Variants in ABCA13 observed in about 807,000 individuals in gnomAD.
ABCA13 encodes the protein ATP-binding cassette sub-family A member 13.
In ABCA13, 476 loss-of-function variants were observed where a neutral mutation model predicts 478.7. The observed-to-expected ratio is 0.99, with a 90% CI of 0.92 to 1.07. The LOEUF is 1.07. Among genes scored for constraint, ABCA13 ranks in the 50% least tolerant of loss-of-function variants. ABCA13 has a pLI of 0.00. For synonymous variants in ABCA13, 2,252 were observed against 2,158.9 expected, an observed-to-expected ratio of 1.04 and a Z score of -1.20; for missense variants, 6,060 against 5,910.6, an observed-to-expected ratio of 1.03 and a Z score of -0.83.
intron 15 of ABCA13, among the ~76,000 whole-genome samples, chr7:48,262,664 A>G (rs1340920450): frequency 6.6e-6 from 1 of 151,832 alleles, no homozygotes; most frequent in African/African-American, 2.4e-5. Flanking sequence ...TTTTCACTGG[A>G]TATTCCACAG....
At chr7:48,543,303 G>C (rs948194235) in intron 55 of ABCA13, among the ~76,000 whole-genome samples, 1 of 151,728 alleles carries the variant, frequency 6.6e-6, no homozygotes, top group Non-Finnish European at 1.5e-5. Flanking sequence ...TTACTGTATA[G>C]TGATAAGGAA....
intron 29 of ABCA13, among the ~76,000 whole-genome samples, chr7:48,341,933 A>G (rs982133626): frequency 4.7e-5 from 6 of 128,466 alleles, no homozygotes; most frequent in Admixed American, 8.4e-5. Context: ...ATATACTCAT[A>G]TATATATATT....
chr7:48,476,303 C>A (rs905329644), intron 45 of ABCA13, among the ~76,000 whole-genome samples: 1 of 152,186 alleles, frequency 6.6e-6, no homozygotes, highest in African/African-American at 2.4e-5. Flanking sequence ...CTCTGCCTCC[C>A]TCTCACAGTG....
intron 55 of ABCA13, among the ~76,000 whole-genome samples, chr7:48,574,098 C>A (rs193004123): frequency 8.6e-5 from 13 of 151,856 alleles, no homozygotes; most frequent in Non-Finnish European, 1.6e-4. Context: ...GGAGTTAGGA[C>A]CCCAATATTA....
At chr7:48,256,132 A>G (rs974001665) in intron 15 of ABCA13, among the ~76,000 whole-genome samples, 6 of 152,080 alleles carry the variant, frequency 3.9e-5, no homozygotes, top group African/African-American at 1.4e-4. Context: ...TCTTTTGCCT[A>G]CTTTTTAATG....
chr7:48,335,231 G>A (rs1359745453), intron 27 of ABCA13, among the ~76,000 whole-genome samples, 191 bp from the exon 28 acceptor site: 1 of 152,222 alleles, frequency 6.6e-6, no homozygotes, highest in African/African-American at 2.4e-5. Flanking sequence ...ACAGAGTCAA[G>A]GAGAGAGGTT....
chr7:48,570,265 G>A (rs1787483784), intron 55 of ABCA13, among the ~76,000 whole-genome samples: 1 of 149,290 alleles, frequency 6.7e-6, no homozygotes, highest in East Asian at 2.0e-4. Context: ...TATTAGTAGA[G>A]TCACCTCAGC....
At chr7:48,434,865 C>T (rs1594761) in intron 42 of ABCA13, among the ~76,000 whole-genome samples, 45,173 of 151,592 alleles carry the variant, frequency 0.3, 6,817 homozygotes, top group East Asian at 0.37. Context: ...TTGGTCTTTA[C>T]GTCTGTTTTT....
chr7:48,436,663 A>G (rs1319378643), intron 42 of ABCA13, among the ~76,000 whole-genome samples: 1 of 151,816 alleles, frequency 6.6e-6, no homozygotes, highest in Non-Finnish European at 1.5e-5. Flanking sequence ...AGAGCTATAC[A>G]TTTCCTTCTT....
intron 3 of ABCA13, among the ~76,000 whole-genome samples, chr7:48,209,607 A>G (rs973158070): frequency 4.6e-5 from 7 of 152,166 alleles, no homozygotes; most frequent in Admixed American, 2.6e-4. Flanking sequence ...GCATGTATCT[A>G]GGAATTTATT....
chr7:48,570,700 TA>T (rs939948908), intron 55 of ABCA13, among the ~76,000 whole-genome samples: 7 of 151,508 alleles, frequency 4.6e-5, no homozygotes, highest in African/African-American at 7.3e-5. Context: ...GTTGGATAAT[TA>T]AAAAAAAATC....
chr7:48,371,476 C>T (rs1270109325), intron 32 of ABCA13, among the ~76,000 whole-genome samples: 2 of 152,096 alleles, frequency 1.3e-5, no homozygotes, highest in African/African-American at 4.8e-5. Flanking sequence ...GTTTGTAGTT[C>T]TCCTTGTAGA....
intron 42 of ABCA13, among the ~76,000 whole-genome samples, chr7:48,440,552 C>T (rs745625930): frequency 3.3e-5 from 5 of 151,850 alleles, no homozygotes; most frequent in Non-Finnish European, 7.4e-5. Flanking sequence ...TAGCATTTTG[C>T]CTAAAGGTTT....
chr7:48,221,252 T>C, intron 4 of ABCA13, 29 bp from the exon 5 acceptor site: 1 of 1,070,906 alleles, frequency 9.3e-7, no homozygotes, highest in East Asian at 2.7e-5. Flanking sequence ...ATGATTGAAC[T>C]AATATCTCTT....
intron 42 of ABCA13, among the ~76,000 whole-genome samples, chr7:48,448,854 T>C (rs1055348371): frequency 6.6e-6 from 1 of 152,212 alleles, no homozygotes; most frequent in African/African-American, 2.4e-5. Flanking sequence ...GCTTTATTTA[T>C]TTATTTGAGA....
In ABCA13 at chr7:48,198,173, C is replaced by T. The variant is rs568861324; in HGVS notation, c.164-64C>T. 1.5e-5 allele frequency: 22 copies of T among 1,495,120 alleles called. No homozygotes were observed. The South Asian group carries it at 2.6e-4, about 18-fold the overall frequency. 92.6% of individuals were successfully genotyped at this position (1,495,120 alleles called of 1,614,324 possible). A position where few individuals can be genotyped will look rare whatever the true frequency, so the allele number is the denominator to read the frequency against. ...GATGTTATATATTACAATTTCAACT[C>T]AACAGGAATTCCATTTCTGGTAGCA... On this transcript the variant is annotated intron_variant, in intron 2 of 61. Coordinates refer to ENST00000435803, the MANE Select transcript of ABCA13 (RefSeq NM_152701.5).
At chr7:48,394,569 A>T (rs1816564582) in intron 38 of ABCA13, among the ~76,000 whole-genome samples, 1 of 152,178 alleles carries the variant, frequency 6.6e-6, no homozygotes, top group Non-Finnish European at 1.5e-5. Context: ...TCTGTGTATT[A>T]GTCTTCTGTT....
Position 48,520,120 on chromosome 7 carries a change from A to T in ABCA13, c.13877A>T (p.Glu4626Val), listed in dbSNP as rs1563386456. The change falls in exon 53 of 62, where the codon GAA becomes GTA. Residue 4626 changes from glutamate to valine, a missense_variant. Physicochemically the swap from Glu to Val is moderately radical, Grantham distance 121. Around this residue, in one of 3 missense-constraint regions of ABCA13, gnomAD observed 1,627 missense variants for 1,571.0 expected, o/e 1.04. Coordinates refer to ENST00000435803, the MANE Select transcript of ABCA13 (RefSeq NM_152701.5). ...TTCTGTCTTGGTCAAGGACTGGTAG[A>T]ACTCTGCTATAATCAGATCAAATAT... Reference protein sequence around the residue: ...PQFCLGQGLVELCYNQIKYDL... With the variant: ...PQFCLGQGLVVLCYNQIKYDL... The T allele has an allele frequency of 6.2e-7, 1 of 1,613,676 alleles. No individual in the cohort carries two copies.
intron 57 of ABCA13, among the ~76,000 whole-genome samples, chr7:48,593,755 G>A (rs1418939629): frequency 6.6e-6 from 1 of 150,734 alleles, no homozygotes; most frequent in Admixed American, 6.6e-5. Context: ...CAGGTATTGT[G>A]TCAATGAACT....
Sources: gnomAD v4.1 joint callset for allele counts (sites outside exome capture counted in the v4.1 genomes callset) on GRCh38, gnomAD v4.1.1 for gene constraint, gnomAD v4.1.1 regional missense constraint, MANE v1.5 for transcripts, NCBI Gene and HGNC (gene_info 2026-07-23, HGNC 2026-07-21) for gene names.